PCDHGA6: variants seen among roughly 807,000 people sequenced by gnomAD.
The protein encoded by PCDHGA6 is protocadherin gamma subfamily A, 6, also known as protocadherin gamma-A6.
In PCDHGA6, 41 loss-of-function variants were observed where a neutral mutation model predicts 60.6. The ratio of observed to expected loss-of-function variants is 0.68; its 90% confidence interval spans 0.53 to 0.88. The LOEUF is 0.88. PCDHGA6 is among the 40% of genes least tolerant of loss of function. The pLI is 0.00. For missense variants in PCDHGA6, 1,312 were observed against 1,203.0 expected (o/e 1.09, Z -1.34); for synonymous variants, 594 against 524.4 (o/e 1.13, Z -1.81).
rs773484841 is a variant in PCDHGA6 at position 141,432,092 on chromosome 5, A to G, written c.2424+55585A>G. 4.3e-6 allele frequency: 7 copies of G among 1,614,104 alleles called. No individual in the cohort carries two copies. The East Asian group carries it at 1.6e-4, about 36-fold the overall frequency. On this transcript the variant is annotated intron_variant, in intron 1 of 3. Transcript: ENST00000517434. The surrounding 1 kb of genome is among the most constrained non-coding windows in gnomAD (Gnocchi z 6.0). Reference sequence around the variant, plus strand: ...TCATATCTCGCTGAACGTGGCAGACACCAACGACAACCCGCCGGTCTTCCC... The same window carrying G: ...TCATATCTCGCTGAACGTGGCAGACGCCAACGACAACCCGCCGGTCTTCCC...
chr5:141,407,676 T>C (rs990367714), intron 1 of PCDHGA6, among the ~76,000 whole-genome samples: 1 of 152,162 alleles, frequency 6.6e-6, no homozygotes, highest in African/African-American at 2.4e-5. Flanking sequence ...TAAACAAAGA[T>C]TGGCTTTGTG....
chr5:141,473,431 G>A (rs541546681), intron 1 of PCDHGA6, among the ~76,000 whole-genome samples: 10 of 152,266 alleles, frequency 6.6e-5, no homozygotes, highest in Non-Finnish European at 1.3e-4. Flanking sequence ...CAGATACTTT[G>A]CTTATGCAAA....
In PCDHGA6 at chr5:141,428,146, C is replaced by G. The variant is rs549173211; in HGVS notation, c.2424+51639C>G. The G allele has an allele frequency of 1.3e-5, 21 of 1,589,348 alleles. No individual in the cohort carries two copies. The East Asian group carries it at 4.0e-4, about 30-fold the overall frequency. Reference sequence around the variant, plus strand: ...GGGCTTTTCAGCCTGGGGCTGCACACGGGAACCTGCTGGTTGCTGTGCGTG... The same window carrying G: ...GGGCTTTTCAGCCTGGGGCTGCACAGGGGAACCTGCTGGTTGCTGTGCGTG... On this transcript the variant is annotated intron_variant, in intron 1 of 3. Transcript: ENST00000517434.
intron 1 of PCDHGA6, among the ~76,000 whole-genome samples, chr5:141,442,879 A>T (rs1399128822): frequency 6.6e-6 from 1 of 152,256 alleles, no homozygotes; most frequent in Non-Finnish European, 1.5e-5. Flanking sequence ...TTTACAACTC[A>T]GAATCCCTGC....
chr5:141,419,851 C>T, intron 1 of PCDHGA6: 1 of 1,614,062 alleles, frequency 6.2e-7, no homozygotes, highest in Non-Finnish European at 8.5e-7. Context: ...ACCTGGTGTT[C>T]GCAGATAGCT....
chr5:141,376,514 T>C lies in PCDHGA6; in HGVS notation c.2424+7T>C. ...AGAACCCAGGCAACTTCAGGTGAGT[T>C]TCTTTCCGCCTAAGCGGGAAGAGTA... On this transcript the variant is annotated splice_region_variant and intron_variant, in intron 1 of 3. Coordinates refer to ENST00000517434, the MANE Select transcript of PCDHGA6 (RefSeq NM_018919.3). The C allele has an allele frequency of 6.2e-7, 1 of 1,613,998 alleles. No homozygotes were observed. The highest frequency in any genetic ancestry group is 8.5e-7 in the Non-Finnish European group (1 of 1,179,898).
At chr5:141,408,301 C>A in intron 1 of PCDHGA6, 1 of 1,613,756 alleles carries the variant, frequency 6.2e-7, no homozygotes, top group Non-Finnish European at 8.5e-7. Flanking sequence ...GTGAGCCGAT[C>A]CGCTACTCGA....
chr5:141,405,901 G>A (rs954255473), intron 1 of PCDHGA6, among the ~76,000 whole-genome samples: 1 of 152,092 alleles, frequency 6.6e-6, no homozygotes, highest in Non-Finnish European at 1.5e-5. Context: ...ACTGAAAGGA[G>A]GCATTTATTA....
intron 1 of PCDHGA6, chr5:141,399,485 A>G (rs760899297): frequency 4.7e-5 from 76 of 1,613,904 alleles, no homozygotes; most frequent in Non-Finnish European, 6.1e-5. Context: ...CAGGCGTCCT[A>G]CTTAGTCAGT....
At chr5:141,510,850 G>A in intron 3 of PCDHGA6, 97 bp from the exon 4 acceptor site, 4 of 1,599,444 alleles carry the variant, frequency 2.5e-6, no homozygotes, top group South Asian at 1.1e-5. Context: ...AAGGCCCAGG[G>A]TGCTGTATAG....
At position 141,491,591 on chromosome 5, in the gene PCDHGA6, G is replaced by A. The variant is rs969259993; in HGVS notation, c.2425-3216G>A. 22 of 1,613,862 alleles carry A rather than the reference G, an allele frequency of 1.4e-5. No individual in the cohort carries two copies. The highest frequency in any genetic ancestry group is 1.8e-5 in the Non-Finnish European group (21 of 1,180,048). ...ACGTGCTTTTCACCGGCCTCGGACG[G>A]CAGTGACTTCACTTTTCTAAGACCC... On this transcript the variant is annotated intron_variant, in intron 1 of 3. Coordinates refer to ENST00000517434, the MANE Select transcript of PCDHGA6 (RefSeq NM_018919.3). This position sits in a 1 kb window ranked among gnomAD's most constrained non-coding sequence, Gnocchi z 6.9.
rs962794399 is a variant in PCDHGA6, at chr5:141,449,958, AT to A, written c.2425-44841del. Among the ~76,000 whole-genome samples, 332 of 148,828 alleles carry A rather than the reference AT, an allele frequency of 2.2e-3. 1 individual carries two copies. The highest frequency in any genetic ancestry group is 6.8e-3 in the Admixed American group (101 of 14,904). Reference sequence around the variant, plus strand: ...GTATATTTTACTATACCTCATAGTAATTTTTTTTAGTCCAAAATATCACACA... The same window carrying A: ...GTATATTTTACTATACCTCATAGTAATTTTTTTAGTCCAAAATATCACACA... On this transcript the variant is annotated intron_variant, in intron 1 of 3. Coordinates refer to ENST00000517434, the MANE Select transcript of PCDHGA6 (RefSeq NM_018919.3).
intron 1 of PCDHGA6, among the ~76,000 whole-genome samples, chr5:141,381,695 T>C (rs1479367517): frequency 6.6e-6 from 1 of 152,164 alleles, no homozygotes; most frequent in Non-Finnish European, 1.5e-5. Flanking sequence ...CAAACAACGA[T>C]TTCTTTCTTT....
chr5:141,494,751 G>C (rs2099756509), intron 1 of PCDHGA6, 56 bp from the exon 2 acceptor site: 2 of 1,613,426 alleles, frequency 1.2e-6, no homozygotes, highest in African/African-American at 1.3e-5. Flanking sequence ...AGGGGCTCGG[G>C]TGACATTCTA....
chr5:141,485,797 C>T lies in PCDHGA6; in HGVS notation c.2425-9010C>T. 1 of 1,614,228 alleles carries T rather than the reference C, an allele frequency of 6.2e-7. No homozygotes were observed. Among genetic ancestry groups the T allele is most frequent in the South Asian group, 1.1e-5 (1 of 91,092 alleles). On this transcript the variant is annotated intron_variant, in intron 1 of 3. Coordinates refer to ENST00000517434, the MANE Select transcript of PCDHGA6 (RefSeq NM_018919.3). This position sits in a 1 kb window ranked among gnomAD's most constrained non-coding sequence, Gnocchi z 5.7. ...TGGATCGAGAGAAGCAATCGGACTACCGCCTGGTGCTGACTGCTGTCGATG... is the reference window on the plus strand; with the variant it reads ...TGGATCGAGAGAAGCAATCGGACTATCGCCTGGTGCTGACTGCTGTCGATG...
chr5:141,393,414 G>C lies in PCDHGA6; in HGVS notation c.2424+16907G>C, dbSNP rs199973289. 738 of 1,614,038 alleles carry C rather than the reference G, an allele frequency of 4.6e-4. No individual in the cohort carries two copies. The highest frequency in any genetic ancestry group is 5.2e-4 in the Non-Finnish European group (617 of 1,179,898). Reference sequence around the variant, plus strand: ...AGAGCTGGTGCTGGAGCGCGCCCTGGACAGGGAGGAAGAGGCTGCTCACCA... The same window carrying C: ...AGAGCTGGTGCTGGAGCGCGCCCTGCACAGGGAGGAAGAGGCTGCTCACCA... On this transcript the variant is annotated intron_variant, in intron 1 of 3. Coordinates refer to ENST00000517434, the MANE Select transcript of PCDHGA6 (RefSeq NM_018919.3).
chr5:141,409,808 G>A lies in PCDHGA6; in HGVS notation c.2424+33301G>A, dbSNP rs1445467116. On this transcript the variant is annotated intron_variant, in intron 1 of 3. Coordinates refer to ENST00000517434, the MANE Select transcript of PCDHGA6 (RefSeq NM_018919.3). ...CTTCGCGCTCACGCTGCAGGCCCGC[G>A]ACCACGGCTCGCCCACGCTCAGCGC... 4.3e-6 allele frequency: 7 copies of A among 1,611,624 alleles called. No individual in the cohort carries two copies. In the East Asian group the frequency reaches 1.3e-4, roughly 31 times the overall value.
intron 1 of PCDHGA6, chr5:141,395,737 A>T (rs2093305517): frequency 6.5e-6 from 1 of 152,906 alleles, no homozygotes; most frequent in Non-Finnish European, 1.5e-5. Flanking sequence ...TTCACTTTAA[A>T]CCTCTTTTCT....
rs765318875 is a variant in PCDHGA6 at position 141,489,896 on chromosome 5, C to A, written c.2425-4911C>A. On this transcript the variant is annotated intron_variant, in intron 1 of 3. Coordinates refer to ENST00000517434, the MANE Select transcript of PCDHGA6 (RefSeq NM_018919.3). This position sits in a 1 kb window ranked among gnomAD's most constrained non-coding sequence, Gnocchi z 4.5. ...GTGCTTACTGCTGTGGATGGGGGGA[C>A]CCCAGCCCGCTCAGGGACCACCCTT... 5 of 1,614,062 alleles carry A rather than the reference C, an allele frequency of 3.1e-6. No homozygotes were observed.
Sources: allele counts gnomAD v4.1 joint callset (sites outside exome capture counted in the v4.1 genomes callset), GRCh38; gene constraint gnomAD v4.1.1; non-coding constraint Gnocchi (gnomAD v3.1); transcripts MANE v1.5; gene names NCBI Gene and HGNC (gene_info 2026-07-23, HGNC 2026-07-21).